Variants in MICU2 observed in about 807,000 individuals in gnomAD.
MICU2 encodes mitochondrial calcium uptake 2.
In MICU2, 64 loss-of-function variants were observed where a neutral mutation model predicts 60.4. The ratio of observed to expected loss-of-function variants is 1.06; its 90% CI spans 0.87 to 1.31. The LOEUF is 1.31. Ranked by LOEUF, MICU2 falls within the 50% of genes most tolerant of loss-of-function variation. MICU2 has a pLI of 0.00. For synonymous variants in MICU2, 201 were observed against 175.0 expected, an observed-to-expected ratio of 1.15 and a Z score of -1.17; for missense variants, 569 against 531.0, an observed-to-expected ratio of 1.07 and a Z score of -0.70.
intron 2 of MICU2, among the ~76,000 whole-genome samples, chr13:21,558,120 T>G (rs984449404): frequency 3.3e-5 from 5 of 152,232 alleles, no homozygotes; most frequent in Non-Finnish European, 7.3e-5. Flanking sequence ...CCCAGGGTTG[T>G]TACTGCTATC....
intron 4 of MICU2, among the ~76,000 whole-genome samples, chr13:21,532,530 C>T (rs1887027303): frequency 6.6e-6 from 1 of 152,194 alleles, no homozygotes; most frequent in Admixed American, 6.5e-5. Context: ...CCCCTTCCTT[C>T]AAACTCACCC....
At position 21,503,134 on chromosome 13, in the gene MICU2, T is replaced by C. The variant is rs182607636; in HGVS notation, c.762-37A>G. The C allele has an allele frequency of 1.1e-5, 17 of 1,493,428 alleles. No individual in the cohort carries two copies. The East Asian group carries it at 3.8e-4, about 34-fold the overall frequency. 92.5% of individuals were successfully genotyped at this position (1,493,428 alleles called of 1,614,324 possible). ...AATACAAAATTAGTAAGGTAACTAG[T>C]GGCATTCAACCTTAAATATTGTAAA... On this transcript the variant is annotated intron_variant, in intron 8 of 11. Coordinates refer to ENST00000382374, the MANE Select transcript of MICU2 (RefSeq NM_152726.3).
At chr13:21,603,743 G>C in intron 1 of MICU2, 196 bp downstream of exon 1, 1 of 604,438 alleles carries the variant, frequency 1.7e-6, no homozygotes, top group East Asian at 3.2e-5. Flanking sequence ...CACCAGCCTC[G>C]AAGGCCCTCG....
At chr13:21,543,757 A>C (rs1304907395) in intron 2 of MICU2, among the ~76,000 whole-genome samples, 1 of 152,096 alleles carries the variant, frequency 6.6e-6, no homozygotes, top group Non-Finnish European at 1.5e-5. Context: ...TGATCTATAG[A>C]TCCAATGTAA....
rs1393766099 is a variant in MICU2, at chr13:21,539,338, A to G, written c.430T>C (p.Cys144Arg). ...DTLSGIQTAG[C>R]GSTFFRDLGD... ...AGGTCTCTGAAAAAAGTTGATCCAC[A>G]GCCAGCTGTTTGGATCCCTGACAGT... is the stretch of plus-strand genomic sequence containing the variant. The change falls in exon 4 of 12, where the codon TGT (cysteine) becomes CGT (arginine). Residue 144 changes from cysteine (C) to arginine (R), a missense_variant. Transcript: ENST00000382374. 17 of 1,613,980 alleles carry G rather than the reference A, an allele frequency of 1.1e-5. No individual in the cohort carries two copies. The highest frequency in any genetic ancestry group is 1.4e-5 in the Non-Finnish European group (17 of 1,179,976).
chr13:21,603,729 C>CGGAG, intron 1 of MICU2: 1 of 584,210 alleles, frequency 1.7e-6, no homozygotes, highest in Non-Finnish European at 3.0e-6. Flanking sequence ...GCAGAATCTC[C>CGGAG]GGTCACCAGC....
In MICU2 at chr13:21,566,851, A is replaced by T. The variant is rs569454339; in HGVS notation, c.304T>A (p.Tyr102Asn). The change falls in exon 2 of 12, where the codon TAT (tyrosine) becomes AAT (asparagine). Residue 102 changes from tyrosine (Y) to asparagine (N), a missense_variant. Physicochemically the swap from Tyr to Asn is moderately radical, Grantham distance 143. Coordinates refer to ENST00000382374, the MANE Select transcript of MICU2 (RefSeq NM_152726.3). ...AGGAAGTCTCGTGGTGTCATATAAT[A>T]TTCTCCTTCATGTTCGAGTGAAGAA... is the stretch of plus-strand genomic sequence containing the variant. ...QFSSLEHEGE[Y>N]YMTPRDFLFS... is the part of the protein sequence containing the mutation. 1 of 1,612,850 alleles carries T rather than the reference A, an allele frequency of 6.2e-7. No homozygotes were observed. Among genetic ancestry groups the T allele is most frequent in the African/African-American group, 1.3e-5 (1 of 74,984 alleles).
At chr13:21,588,113 A>G (rs368268895) in intron 1 of MICU2, among the ~76,000 whole-genome samples, 15 of 152,208 alleles carry the variant, frequency 9.9e-5, no homozygotes, top group East Asian at 5.8e-4. Flanking sequence ...GCGGACCACT[A>G]AAGAGCAAGG....
At chr13:21,556,681 G>A (rs1887716289) in intron 2 of MICU2, among the ~76,000 whole-genome samples, 1 of 152,094 alleles carries the variant, frequency 6.6e-6, no homozygotes, top group Non-Finnish European at 1.5e-5. Context: ...AGGCCAGGAA[G>A]CATGTAGGCA....
intron 8 of MICU2, among the ~76,000 whole-genome samples, chr13:21,507,607 T>A (rs7338190): frequency 0.2 from 27,119 of 132,520 alleles, 3,209 homozygotes; most frequent in Non-Finnish European, 0.28. Context: ...GAAACTTAGA[T>A]TTTTTTTTTT....
At chr13:21,575,161 A>C (rs1019294794) in intron 1 of MICU2, among the ~76,000 whole-genome samples, 1 of 93,490 alleles carries the variant, frequency 1.1e-5, no homozygotes, top group Admixed American at 1.4e-4. Context: ...ATATGCTTAC[A>C]CACACAGACA....
intron 2 of MICU2, among the ~76,000 whole-genome samples, chr13:21,549,507 A>C (rs760326075): frequency 2.6e-5 from 4 of 152,204 alleles, no homozygotes; most frequent in Non-Finnish European, 5.9e-5. Flanking sequence ...CACGTGCACC[A>C]TAATAAATTC....
intron 2 of MICU2, among the ~76,000 whole-genome samples, chr13:21,543,362 T>C (rs894583610): frequency 6.6e-6 from 1 of 152,054 alleles, no homozygotes; most frequent in Admixed American, 6.5e-5. Context: ...GGCATCCAAA[T>C]TGGAAAGGAA....
chr13:21,506,483 C>A (rs1000885929), intron 8 of MICU2, among the ~76,000 whole-genome samples: 5 of 152,114 alleles, frequency 3.3e-5, no homozygotes, highest in Admixed American at 1.3e-4. Flanking sequence ...GGGTCCTTGA[C>A]CCTTACAGAC....
intron 4 of MICU2, chr13:21,530,964 C>T (rs537346042): frequency 2.3e-4 from 176 of 773,426 alleles, no homozygotes; most frequent in Non-Finnish European, 3.9e-4. Context: ...TTTACAGTGA[C>T]AAATATACAC....
intron 2 of MICU2, among the ~76,000 whole-genome samples, chr13:21,553,681 C>A (rs1181749221): frequency 1.3e-5 from 2 of 152,108 alleles, no homozygotes; most frequent in Admixed American, 6.6e-5. Flanking sequence ...TCACACATAA[C>A]AATACTAACC....
At chr13:21,515,564 C>T in intron 6 of MICU2, 1 of 436,182 alleles carries the variant, frequency 2.3e-6, no homozygotes, top group Non-Finnish European at 4.6e-6. Flanking sequence ...TATCAATCCT[C>T]ATATGGAAAG....
chr13:21,508,157 G>A (rs1384349399), intron 8 of MICU2, among the ~76,000 whole-genome samples: 27 of 141,040 alleles, frequency 1.9e-4, no homozygotes, highest in Non-Finnish European at 3.2e-4. Flanking sequence ...ACGGAGTCTC[G>A]CTCTGTCACC....
At chr13:21,567,176 A>G (rs1276004824) in intron 1 of MICU2, among the ~76,000 whole-genome samples, 3 of 152,234 alleles carry the variant, frequency 2.0e-5, no homozygotes, top group East Asian at 3.8e-4. Flanking sequence ...CAATTAATGA[A>G]TAAATGTATA....
Sources: allele counts gnomAD v4.1 joint callset (sites outside exome capture counted in the v4.1 genomes callset), GRCh38; gene constraint gnomAD v4.1.1; transcripts MANE v1.5; gene names NCBI Gene and HGNC (gene_info 2026-07-23, HGNC 2026-07-21).